The following CEP97 variants were observed in gnomAD, a reference collection of about 807,000 sequenced individuals.
CEP97 encodes the protein centrosomal protein 97, also known as centrosomal protein of 97 kDa.
Under a neutral mutation model 73.1 loss-of-function variants are expected in CEP97, and 43 were observed. The ratio of observed to expected loss-of-function variants is 0.59; its 90% CI spans 0.46 to 0.76. CEP97 has a LOEUF of 0.76. Among genes scored for constraint, CEP97 ranks in the 30% least tolerant of loss-of-function variants. CEP97 has a pLI of 0.00. For synonymous variants in CEP97, 337 were observed against 370.0 expected, an observed-to-expected ratio of 0.91 and a Z score of 1.02; for missense variants, 939 against 1,014.0, an observed-to-expected ratio of 0.93 and a Z score of 1.00.
Position 101,767,406 on chromosome 3 carries a change from A to G in CEP97, c.*1855A>G, listed in dbSNP as rs897933812. On this transcript the variant is annotated 3_prime_UTR_variant, in exon 11 of 11. Coordinates refer to ENST00000341893, the MANE Select transcript of CEP97 (RefSeq NM_024548.4). Reference sequence around the variant, plus strand: ...CTTCTTAAATATACCCTATTTTTCTATTTTAAAGTTAAGTGCCTCACTTGC... The same window carrying G: ...CTTCTTAAATATACCCTATTTTTCTGTTTTAAAGTTAAGTGCCTCACTTGC... 2 of 152,076 alleles carry G rather than the reference A, an allele frequency of 1.3e-5. No homozygotes were observed. Among genetic ancestry groups the G allele is most frequent in the Non-Finnish European group, 2.9e-5 (2 of 68,000 alleles). The allele number at this position is 152,076 out of a possible 1,614,324, so 9.4% of individuals were successfully genotyped here.
intron 6 of CEP97, among the ~76,000 whole-genome samples, chr3:101,751,714 A>C (rs143585059): frequency 0.066 from 10,041 of 152,120 alleles, 445 homozygotes; most frequent in Middle Eastern, 0.14. Flanking sequence ...AGTCTGTTTT[A>C]TCGGAGACTA....
intron 6 of CEP97, among the ~76,000 whole-genome samples, chr3:101,753,883 C>T (rs529127062): frequency 3.9e-5 from 6 of 152,264 alleles, no homozygotes; most frequent in African/African-American, 7.2e-5. Context: ...CGCCCTGCTT[C>T]GGCTTGCGCA....
At chr3:101,750,421 G>C (rs1938770276) in intron 6 of CEP97, among the ~76,000 whole-genome samples, 1 of 152,044 alleles carries the variant, frequency 6.6e-6, no homozygotes, top group South Asian at 2.1e-4. Flanking sequence ...TTTGAAGTCA[G>C]GTAGTGTGAT....
At chr3:101,739,667 G>A (rs1938385110) in intron 6 of CEP97, among the ~76,000 whole-genome samples, 1 of 152,122 alleles carries the variant, frequency 6.6e-6, no homozygotes, top group South Asian at 2.1e-4. Context: ...CAGCACTTTG[G>A]GAGGCCGAGG....
chr3:101,753,854 C>A (rs567650455), intron 6 of CEP97, among the ~76,000 whole-genome samples: 1 of 152,342 alleles, frequency 6.6e-6, no homozygotes, highest in East Asian at 1.9e-4. Context: ...CCTTGCGCTT[C>A]CTGAGTGAGG....
intron 1 of CEP97, among the ~76,000 whole-genome samples, chr3:101,725,401 G>C (rs1209063857): frequency 6.6e-6 from 1 of 152,188 alleles, no homozygotes. Flanking sequence ...GCAGCAGTCA[G>C]TCCTCTAAAT....
Position 101,766,832 on chromosome 3 carries a change from CTAT to C in CEP97, c.*1286_*1288del, listed in dbSNP as rs1394637098. 2 of 152,106 alleles carry C rather than the reference CTAT, an allele frequency of 1.3e-5. No homozygotes were observed. The highest frequency in any genetic ancestry group is 2.4e-5 in the African/African-American group (1 of 41,422). 9.4% of individuals were successfully genotyped at this position (152,106 alleles called of 1,614,324 possible). A position where few individuals can be genotyped will look rare whatever the true frequency, so the allele number is the denominator to read the frequency against. On this transcript the variant is annotated 3_prime_UTR_variant, in exon 11 of 11. Transcript: ENST00000341893. ...ATCTCTAAATTTAGGTGCTAAATATCTATTATTCTGTTGTAGTCATTAGGTGCC... is the reference window on the plus strand; with the variant it reads ...ATCTCTAAATTTAGGTGCTAAATATCTATTCTGTTGTAGTCATTAGGTGCC...
At chr3:101,745,583 T>A (rs1479188403) in intron 6 of CEP97, among the ~76,000 whole-genome samples, 1 of 151,946 alleles carries the variant, frequency 6.6e-6, no homozygotes, top group South Asian at 2.1e-4. Context: ...TTTTTTTTTT[T>A]TAAAGGGATA....
chr3:101,760,608 C>A lies in CEP97; in HGVS notation c.1818-1877C>A, dbSNP rs1012544464. On this transcript the variant is annotated intron_variant, in intron 9 of 10. Transcript: ENST00000341893. ...TGAGGCTGGAGTGTAGTGGCGTGAT[C>A]ATAGCTCACTGTAATCTTGAACTCC... 2.2e-4 allele frequency among the ~76,000 whole-genome samples: 33 copies of A among 152,102 alleles called. 1 individual carries two copies. The highest frequency in any genetic ancestry group is 7.9e-4 in the African/African-American group (33 of 41,510).
At chr3:101,752,068 C>G (rs1026597265) in intron 6 of CEP97, among the ~76,000 whole-genome samples, 23 of 152,206 alleles carry the variant, frequency 1.5e-4, no homozygotes, top group African/African-American at 3.1e-4. Flanking sequence ...TCCTTCAGGA[C>G]CTCTTTTAGG....
At chr3:101,757,563 A>T in intron 8 of CEP97, 71 bp from the exon 9 acceptor site, 1 of 1,419,324 alleles carries the variant, frequency 7.0e-7, no homozygotes, top group Admixed American at 2.2e-5. Context: ...CAAGGAATAG[A>T]TTTCATTAAA....
chr3:101,724,845 G>A, intron 1 of CEP97, 126 bp downstream of exon 1: 1 of 999,678 alleles, frequency 1.0e-6, no homozygotes, highest in Non-Finnish European at 1.5e-6. Context: ...ATCTGTGGTC[G>A]TCGCGGAGGC....
chr3:101,740,693 G>T (rs1025389457), intron 6 of CEP97, among the ~76,000 whole-genome samples: 1 of 151,932 alleles, frequency 6.6e-6, no homozygotes, highest in African/African-American at 2.4e-5. Flanking sequence ...GGGTTCAAGC[G>T]ATTCTCCTGC....
intron 6 of CEP97, among the ~76,000 whole-genome samples, chr3:101,734,718 CTG>C (rs1023990028): frequency 2.0e-5 from 3 of 152,158 alleles, no homozygotes; most frequent in African/African-American, 7.2e-5. Context: ...TTGTTTCAAA[CTG>C]TGACTAGTTC....
intron 9 of CEP97, chr3:101,758,653 T>C (rs1485431400): frequency 1.9e-6 from 1 of 521,392 alleles, no homozygotes; most frequent in Non-Finnish European, 3.4e-6. Flanking sequence ...AGATGCAGTG[T>C]AGTAATAAAT....
intron 9 of CEP97, among the ~76,000 whole-genome samples, chr3:101,761,360 A>G (rs1274311797): frequency 1.3e-5 from 2 of 152,200 alleles, no homozygotes; most frequent in African/African-American, 4.8e-5. Context: ...GGGTGAGACT[A>G]TGAGAATGGG....
chr3:101,760,967 A>T (rs1163898542), intron 9 of CEP97, among the ~76,000 whole-genome samples: 1 of 151,408 alleles, frequency 6.6e-6, no homozygotes, highest in East Asian at 1.9e-4. Context: ...GGTTCAGGTG[A>T]TCCTCCTGCC....
At chr3:101,760,093 A>G (rs1435660396) in intron 9 of CEP97, among the ~76,000 whole-genome samples, 3 of 150,934 alleles carry the variant, frequency 2.0e-5, no homozygotes, top group Admixed American at 6.6e-5. Flanking sequence ...AGAGGAAGAA[A>G]TGTAGTGTCG....
intron 6 of CEP97, among the ~76,000 whole-genome samples, chr3:101,743,771 A>C (rs1271489050): frequency 1.3e-5 from 2 of 152,174 alleles, no homozygotes; most frequent in Non-Finnish European, 2.9e-5. Flanking sequence ...TGGGAGGCCA[A>C]GGCGGGAGGA....
Sources: allele counts gnomAD v4.1 joint callset (sites outside exome capture counted in the v4.1 genomes callset), GRCh38; gene constraint gnomAD v4.1.1; transcripts MANE v1.5; gene names NCBI Gene and HGNC (gene_info 2026-07-23, HGNC 2026-07-21).